TMEM132D: variants seen among roughly 807,000 people sequenced by gnomAD.
The protein encoded by TMEM132D is transmembrane protein 132D.
Under a neutral mutation model 62.3 loss-of-function variants are expected in TMEM132D, and 21 were observed. The ratio of observed to expected loss-of-function variants is 0.34; its 90% CI spans 0.24 to 0.49. The LOEUF is 0.49. TMEM132D is among the 20% of genes least tolerant of loss of function. The probability of loss-of-function intolerance (pLI) is 0.99; values close to 1 mark genes in which losing one functional copy is unlikely to be tolerated. For missense variants in TMEM132D, 1,346 were observed against 1,402.8 expected, an observed-to-expected ratio of 0.96 and a Z score of 0.65; for synonymous variants, 621 against 575.6, an observed-to-expected ratio of 1.08 and a Z score of -1.13.
At chr12:129,512,544 A>C (rs1001390314) in intron 3 of TMEM132D, among the ~76,000 whole-genome samples, 7 of 152,214 alleles carry the variant, frequency 4.6e-5, no homozygotes, top group Non-Finnish European at 8.8e-5. Context: ...AAACAGCATA[A>C]ATATTTATTA....
rs540822631 is a variant in TMEM132D, at chr12:129,217,853, T to G, written c.1300-8190A>C. On this transcript the variant is annotated intron_variant, in intron 4 of 8. Transcript: ENST00000422113. ...TAAGGAAAACAATGAGTCACTAGGA[T>G]AGATAGTTTTTGCTTTTCCTACCTC... Among the ~76,000 whole-genome samples the G allele has an allele frequency of 3.3e-5, 5 of 152,306 alleles. No homozygotes were observed. In the South Asian group the frequency reaches 1.0e-3, roughly 32 times the overall value.
chr12:129,577,088 C>T (rs1437322203), intron 2 of TMEM132D, among the ~76,000 whole-genome samples: 1 of 151,794 alleles, frequency 6.6e-6, no homozygotes, highest in African/African-American at 2.4e-5. Context: ...TGTATGGGCC[C>T]CATGGTGTCA....
intron 1 of TMEM132D, among the ~76,000 whole-genome samples, chr12:129,706,792 A>G (rs895750901): frequency 4.6e-4 from 70 of 152,062 alleles, no homozygotes; most frequent in Non-Finnish European, 7.5e-4. Flanking sequence ...TTTCATAAAA[A>G]CTATGAATTT....
chr12:129,515,098 A>T (rs1043086007), intron 3 of TMEM132D, among the ~76,000 whole-genome samples: 2 of 152,132 alleles, frequency 1.3e-5, no homozygotes, highest in Non-Finnish European at 2.9e-5. Context: ...ATTTCCAATC[A>T]ATATTTGCTC....
chr12:129,393,728 C>T (rs1057436979), intron 3 of TMEM132D, among the ~76,000 whole-genome samples: 1 of 152,166 alleles, frequency 6.6e-6, no homozygotes, highest in African/African-American at 2.4e-5. Flanking sequence ...CAAGCTTAAA[C>T]ACTTGAGCAA....
intron 3 of TMEM132D, among the ~76,000 whole-genome samples, chr12:129,505,490 A>G (rs984678140): frequency 1.3e-4 from 19 of 151,928 alleles, no homozygotes; most frequent in Admixed American, 2.6e-4. Context: ...TGATCCGCCC[A>G]CCTCGGCCTC....
At chr12:129,320,262 T>C (rs1049466412) in intron 4 of TMEM132D, among the ~76,000 whole-genome samples, 51 of 152,220 alleles carry the variant, frequency 3.4e-4, no homozygotes, top group Admixed American at 2.7e-3. Context: ...CTGAGACTGA[T>C]AGACAATTTA....
At chr12:129,574,201 T>C (rs1427863243) in intron 2 of TMEM132D, among the ~76,000 whole-genome samples, 1 of 151,966 alleles carries the variant, frequency 6.6e-6, no homozygotes, top group East Asian at 1.9e-4. Context: ...GATGGATTAA[T>C]AGATGCAAGA....
chr12:129,131,157 T>C (rs1278920764), intron 5 of TMEM132D, among the ~76,000 whole-genome samples: 1 of 152,212 alleles, frequency 6.6e-6, no homozygotes, highest in Non-Finnish European at 1.5e-5. Flanking sequence ...TAATTAGATA[T>C]GCACAGTCAT....
At chr12:129,561,508 G>A (rs942901389) in intron 2 of TMEM132D, among the ~76,000 whole-genome samples, 2 of 152,124 alleles carry the variant, frequency 1.3e-5, no homozygotes, top group Non-Finnish European at 2.9e-5. Flanking sequence ...ATCCACAGCA[G>A]ACAAGAATTG....
intron 5 of TMEM132D, among the ~76,000 whole-genome samples, chr12:129,120,161 T>C (rs986730475): frequency 1.3e-5 from 2 of 152,070 alleles, no homozygotes; most frequent in African/African-American, 4.8e-5. Flanking sequence ...CATAAGACCA[T>C]TAGGGTGTTT....
intron 2 of TMEM132D, among the ~76,000 whole-genome samples, chr12:129,646,031 G>A (rs530375615): frequency 5.2e-4 from 79 of 152,242 alleles, no homozygotes; most frequent in African/African-American, 1.8e-3. Flanking sequence ...GCAGCGTATC[G>A]GGGTGCTCTG....
intron 5 of TMEM132D, among the ~76,000 whole-genome samples, chr12:129,097,938 T>G (rs1800435290): frequency 6.6e-6 from 1 of 152,264 alleles, no homozygotes; most frequent in Non-Finnish European, 1.5e-5. Flanking sequence ...GAATCAATTC[T>G]TTCTTTCATG....
Position 129,709,165 on chromosome 12 carries a change from T to A in TMEM132D, c.80-8467A>T, listed in dbSNP as rs182894480. Among the ~76,000 whole-genome samples, 146 of 152,320 alleles carry A rather than the reference T, an allele frequency of 9.6e-4. 1 individual carries two copies. The highest frequency in any genetic ancestry group is 5.6e-3 in the Admixed American group (85 of 15,304). On this transcript the variant is annotated intron_variant, in intron 1 of 8. Transcript: ENST00000422113. ...TAACAGCAATGCTCTCATATGGAAC[T>A]CAAGAAGAATCATGGTCGGGGTCAA...
At chr12:129,716,422 C>A (rs1413364815) in intron 1 of TMEM132D, among the ~76,000 whole-genome samples, 3 of 152,164 alleles carry the variant, frequency 2.0e-5, no homozygotes, top group Non-Finnish European at 4.4e-5. Flanking sequence ...AGGGTCAGGG[C>A]AACTCTCTCT....
At chr12:129,655,120 T>C (rs1880039134) in intron 2 of TMEM132D, among the ~76,000 whole-genome samples, 1 of 151,850 alleles carries the variant, frequency 6.6e-6, no homozygotes. Context: ...TCTACTTTTT[T>C]CTATTTTTAG....
At chr12:129,832,748 C>A (rs572082154) in intron 1 of TMEM132D, among the ~76,000 whole-genome samples, 1 of 152,282 alleles carries the variant, frequency 6.6e-6, no homozygotes, top group African/African-American at 2.4e-5. Flanking sequence ...TTGCCACAAA[C>A]CCGGCCATGA....
chr12:129,248,038 G>A (rs1027529337), intron 4 of TMEM132D, among the ~76,000 whole-genome samples: 1 of 152,130 alleles, frequency 6.6e-6, no homozygotes, highest in East Asian at 1.9e-4. Context: ...AGCTATCATT[G>A]TTCTCTACCT....
chr12:129,850,775 A>G (rs553805286), intron 1 of TMEM132D, among the ~76,000 whole-genome samples: 1 of 152,360 alleles, frequency 6.6e-6, no homozygotes, highest in Non-Finnish European at 1.5e-5. Flanking sequence ...TTTAGCACAA[A>G]TGCTTTTAAT....
Sources: allele counts gnomAD v4.1 joint callset (sites outside exome capture counted in the v4.1 genomes callset), GRCh38; gene constraint gnomAD v4.1.1; transcripts MANE v1.5; gene names NCBI Gene and HGNC (gene_info 2026-07-23, HGNC 2026-07-21).